EIF4E3: variants seen among roughly 807,000 people sequenced by gnomAD.
EIF4E3 encodes the protein eukaryotic translation initiation factor 4E type 3.
EIF4E3 carries 26 observed loss-of-function variants against 31.7 expected under a neutral mutation model. The observed-to-expected ratio is 0.82, with a 90% CI of 0.60 to 1.14. The LOEUF is 1.14. Among genes scored for constraint, EIF4E3 ranks in the 50% most tolerant of loss-of-function variants. The pLI, the probability that EIF4E3 is intolerant of heterozygous loss-of-function variation, is 0.00. For synonymous variants in EIF4E3, 128 were observed against 107.7 expected, an observed-to-expected ratio of 1.19 and a Z score of -1.17; for missense variants, 304 against 270.9, an observed-to-expected ratio of 1.12 and a Z score of -0.86.
chr3:71,672,491 G>A (rs2048851764), downstream of EIF4E3, among the ~76,000 whole-genome samples: 1 of 152,212 alleles, frequency 6.6e-6, no homozygotes, highest in Non-Finnish European at 1.5e-5. Context: ...AGCCTGAGCA[G>A]GGAGGAAGAT....
chr3:71,709,087 T>TA (rs1001067987), intron 2 of EIF4E3, among the ~76,000 whole-genome samples: 98 of 148,492 alleles, frequency 6.6e-4, no homozygotes, highest in Non-Finnish European at 1.0e-3. Context: ...GACCATAGCC[T>TA]AAAAAAAAAA....
Position 71,725,192 on chromosome 3 carries a change from C to G in EIF4E3, c.176G>C (p.Arg59Thr). Residue 59 changes from arginine to threonine, a missense_variant and splice_region_variant, in exon 1 of 7, where the codon AGA becomes ACA. Coordinates refer to ENST00000425534, the MANE Select transcript of EIF4E3 (RefSeq NM_001134651.2). The surrounding 1 kb of genome is among the most constrained non-coding windows in gnomAD (Gnocchi z 6.1). ...LHSSWTFWLD[R>T]SLPGATAAEC... ...CGCGGCGGGCCCCGCGCCCCCTCAC[C>G]TGTCGAGCCAGAAGGTCCAGGACGA... 1 of 1,113,262 alleles carries G rather than the reference C, an allele frequency of 9.0e-7. No homozygotes were observed. Among genetic ancestry groups the G allele is most frequent in the Non-Finnish European group, 1.1e-6 (1 of 911,644 alleles). 69.0% of individuals were successfully genotyped at this position (1,113,262 alleles called of 1,614,324 possible).
rs546213349 is a variant in EIF4E3, at chr3:71,707,888, T to G, written c.249+2524A>C. 5.5e-4 allele frequency among the ~76,000 whole-genome samples: 83 copies of G among 150,560 alleles called. No homozygotes were observed. The Middle Eastern group carries it at 0.027, about 50-fold the overall frequency. On this transcript the variant is annotated intron_variant, in intron 2 of 6. Coordinates refer to ENST00000425534, the MANE Select transcript of EIF4E3 (RefSeq NM_001134651.2). Reference sequence around the variant, plus strand: ...AATTCATTCTTTTTTTTTTTTTTTTTGAGAGTGTGTGTGTGAGAGAGACAG... The same window carrying G: ...AATTCATTCTTTTTTTTTTTTTTTTGGAGAGTGTGTGTGTGAGAGAGACAG...
intron 2 of EIF4E3, among the ~76,000 whole-genome samples, chr3:71,705,968 C>CA (rs1390051411): frequency 6.6e-6 from 1 of 152,038 alleles, no homozygotes; most frequent in Non-Finnish European, 1.5e-5. Flanking sequence ...ACTGAGGATG[C>CA]AAAATCACAA....
intron 1 of EIF4E3, among the ~76,000 whole-genome samples, chr3:71,711,175 A>G (rs903447949): frequency 6.6e-6 from 1 of 152,218 alleles, no homozygotes; most frequent in Non-Finnish European, 1.5e-5. Flanking sequence ...GGTTTTACCA[A>G]GGACCATTGC....
chr3:71,711,702 C>T lies in EIF4E3; in HGVS notation c.177-1218G>A, dbSNP rs114496081. Among the ~76,000 whole-genome samples, 1,434 of 152,298 alleles carry T rather than the reference C, an allele frequency of 9.4e-3. 21 individuals carry two copies. Among genetic ancestry groups the T allele is most frequent in the African/African-American group, 0.033 (1,371 of 41,550 alleles). ...TATCAAAAATGCATTTCTGGCCAGCCGCTGTGGCTCATGACTGTAATCCAA... is the reference window on the plus strand; with the variant it reads ...TATCAAAAATGCATTTCTGGCCAGCTGCTGTGGCTCATGACTGTAATCCAA... On this transcript the variant is annotated intron_variant, in intron 1 of 6. Transcript: ENST00000425534.
chr3:71,705,770 A>G (rs1020193697), intron 2 of EIF4E3, among the ~76,000 whole-genome samples: 2 of 152,214 alleles, frequency 1.3e-5, no homozygotes, highest in Non-Finnish European at 2.9e-5. Context: ...CAGGTAAAAC[A>G]GGGCTTGTTC....
At chr3:71,740,122 GA>G (rs1162628997) in intron 1 of EIF4E3, among the ~76,000 whole-genome samples, 2 of 151,420 alleles carry the variant, frequency 1.3e-5, no homozygotes, top group Non-Finnish European at 2.9e-5. Flanking sequence ...GAGATAAAAA[GA>G]AATTATAAAT....
At chr3:71,699,224 C>T (rs577907752) in intron 3 of EIF4E3, among the ~76,000 whole-genome samples, 2 of 151,690 alleles carry the variant, frequency 1.3e-5, no homozygotes, top group South Asian at 4.2e-4. Context: ...GAGACCTGGT[C>T]TCAAAAAAAA....
intron 1 of EIF4E3, among the ~76,000 whole-genome samples, chr3:71,724,321 T>A (rs2049594884): frequency 6.6e-6 from 1 of 152,198 alleles, no homozygotes; most frequent in Admixed American, 6.5e-5. Context: ...AATCCACTGC[T>A]CTTTTATCCT....
intron 1 of EIF4E3, among the ~76,000 whole-genome samples, chr3:71,736,316 A>C (rs1037989963): frequency 6.6e-6 from 1 of 152,212 alleles, no homozygotes; most frequent in African/African-American, 2.4e-5. Context: ...TACCCAATTG[A>C]GCTGAAAATT....
intron 1 of EIF4E3, among the ~76,000 whole-genome samples, chr3:71,741,415 T>C (rs1211150173): frequency 6.6e-6 from 1 of 152,212 alleles, no homozygotes; most frequent in African/African-American, 2.4e-5. Flanking sequence ...GAATATTATT[T>C]GGAATGAAGA....
intron 1 of EIF4E3, among the ~76,000 whole-genome samples, chr3:71,753,117 C>T (rs908367834): frequency 1.3e-5 from 2 of 152,144 alleles, no homozygotes; most frequent in African/African-American, 4.8e-5. Context: ...TGAATCCCAG[C>T]TCCGCTACTT....
At chr3:71,754,474 T>G (rs1311313791), upstream of EIF4E3, 1 of 1,321,130 alleles carries the variant, frequency 7.6e-7, no homozygotes, top group Non-Finnish European at 9.7e-7. This position sits in a 1 kb window ranked among gnomAD's most constrained non-coding sequence, Gnocchi z 5.8. Flanking sequence ...TGCGCCGCCA[T>G]GCTGGTGTGC....
At chr3:71,694,213 A>G (rs1054472634) in intron 4 of EIF4E3, among the ~76,000 whole-genome samples, 1 of 152,250 alleles carries the variant, frequency 6.6e-6, no homozygotes, top group Non-Finnish European at 1.5e-5. Flanking sequence ...GAAATTCAGA[A>G]GAATTTCTAG....
chr3:71,684,674 G>T lies in EIF4E3; in HGVS notation c.*8C>A, dbSNP rs60485726. On this transcript the variant is annotated 3_prime_UTR_variant, in exon 7 of 7. Transcript: ENST00000425534. Reference sequence around the variant, plus strand: ...AGCAAAGGACAAAGAATTCTTTACAGAGTGCAATTAGTGTTTTCCACGTCC... The same window carrying T: ...AGCAAAGGACAAAGAATTCTTTACATAGTGCAATTAGTGTTTTCCACGTCC... 25 of 1,613,832 alleles carry T rather than the reference G, an allele frequency of 1.5e-5. No homozygotes were observed. The East Asian group carries it at 5.1e-4, about 33-fold the overall frequency.
At chr3:71,743,517 T>C (rs529382658) in intron 1 of EIF4E3, among the ~76,000 whole-genome samples, 7 of 152,264 alleles carry the variant, frequency 4.6e-5, no homozygotes, top group African/African-American at 1.2e-4. Flanking sequence ...TTTTTGTGTA[T>C]AGGAGAGTAT....
chr3:71,684,281 T>C lies in EIF4E3; in HGVS notation c.*401A>G. ...AGCAGTATTGTCACGATTATGCATA[T>C]TCTCATTAACTAGGTACAGCAGAGC... On this transcript the variant is annotated 3_prime_UTR_variant, in exon 7 of 7. Transcript: ENST00000425534. The C allele has an allele frequency of 5.5e-6, 1 of 180,640 alleles. No individual in the cohort carries two copies. Among genetic ancestry groups the C allele is most frequent in the Non-Finnish European group, 1.2e-5 (1 of 84,232 alleles). 11.2% of individuals were successfully genotyped at this position (180,640 alleles called of 1,614,324 possible).
the EIF4E3 span, among the ~76,000 whole-genome samples, chr3:71,660,576 C>T: frequency 6.6e-6 from 1 of 152,120 alleles, no homozygotes; most frequent in African/African-American, 2.4e-5. Context: ...ATAAACTCAC[C>T]TAAATAGCTC....
Sources: allele counts gnomAD v4.1 joint callset (sites outside exome capture counted in the v4.1 genomes callset), GRCh38; gene constraint gnomAD v4.1.1; non-coding constraint Gnocchi (gnomAD v3.1); transcripts MANE v1.5; gene names NCBI Gene and HGNC (gene_info 2026-07-23, HGNC 2026-07-21).